Variants in KIAA1217 observed in about 807,000 individuals in gnomAD.
KIAA1217 encodes sickle tail protein homolog.
Under a neutral mutation model 163.9 loss-of-function variants are expected in KIAA1217, and 88 were observed. That is an observed-to-expected ratio of 0.54 (90% CI 0.45 to 0.64). The LOEUF (loss-of-function observed/expected upper bound fraction) is 0.64. KIAA1217 is among the 30% of genes least tolerant of loss of function. The pLI, the probability that KIAA1217 is intolerant of heterozygous loss-of-function variation, is 0.00. For synonymous variants in KIAA1217, 903 were observed against 923.1 expected (o/e 0.98, Z 0.39); for missense variants, 2,372 against 2,475.0 (o/e 0.96, Z 0.88).
chr10:24,437,704 G>A (rs1317953773), intron 4 of KIAA1217, among the ~76,000 whole-genome samples: 1 of 152,012 alleles, frequency 6.6e-6, no homozygotes, highest in Admixed American at 6.6e-5. Flanking sequence ...CTAAGAGCCG[G>A]GTTCAGAGAA....
intron 2 of KIAA1217, among the ~76,000 whole-genome samples, chr10:24,150,532 C>T (rs1015229315): frequency 1.3e-5 from 2 of 152,326 alleles, no homozygotes; most frequent in African/African-American, 4.8e-5. Flanking sequence ...ATTTCCAAGC[C>T]TACCATTCCC....
At chr10:24,081,815 G>T (rs959588653) in intron 2 of KIAA1217, among the ~76,000 whole-genome samples, 2 of 152,198 alleles carry the variant, frequency 1.3e-5, no homozygotes, top group African/African-American at 4.8e-5. Flanking sequence ...GGGACTGAGG[G>T]TTAGACAAGC....
intron 2 of KIAA1217, among the ~76,000 whole-genome samples, chr10:24,165,092 G>C (rs2065283633): frequency 6.6e-6 from 1 of 152,206 alleles, no homozygotes; most frequent in Non-Finnish European, 1.5e-5. Flanking sequence ...AGAGAAAAAT[G>C]GCAGAGTAAA....
chr10:23,937,999 G>A (rs1843604807), intron 1 of KIAA1217, among the ~76,000 whole-genome samples: 3 of 152,272 alleles, frequency 2.0e-5, no homozygotes, highest in Middle Eastern at 3.4e-3. Context: ...GCCAAGTGTC[G>A]AGAGTTCACA....
intron 1 of KIAA1217, among the ~76,000 whole-genome samples, chr10:24,004,274 G>A (rs1412136416): frequency 6.6e-6 from 1 of 152,058 alleles, no homozygotes; most frequent in Admixed American, 6.6e-5. Flanking sequence ...ACAGCACCCG[G>A]CCGAGGGCTT....
At chr10:23,847,404 G>T (rs189635249) in intron 1 of KIAA1217, among the ~76,000 whole-genome samples, 2 of 152,092 alleles carry the variant, frequency 1.3e-5, no homozygotes, top group Non-Finnish European at 2.9e-5. Flanking sequence ...CAATTTCAGA[G>T]CCTGTTATTG....
intron 17 of KIAA1217, chr10:24,542,420 C>G: frequency 1.2e-6 from 1 of 848,212 alleles, no homozygotes; most frequent in Non-Finnish European, 1.7e-6. Flanking sequence ...ATGACTCTGT[C>G]CCTTTATTTT....
chr10:23,985,975 G>A (rs1845953734), intron 1 of KIAA1217, among the ~76,000 whole-genome samples: 1 of 152,192 alleles, frequency 6.6e-6, no homozygotes, highest in African/African-American at 2.4e-5. Flanking sequence ...ATGGCAGAAA[G>A]AGGGGAAGAA....
intron 2 of KIAA1217, among the ~76,000 whole-genome samples, chr10:24,360,494 T>C (rs548454137): frequency 5.9e-5 from 9 of 152,348 alleles, no homozygotes; most frequent in African/African-American, 2.2e-4. Flanking sequence ...TCGTGGGCTT[T>C]AACTATGCAA....
chr10:24,149,368 G>C (rs574354533), intron 2 of KIAA1217, among the ~76,000 whole-genome samples: 1 of 151,994 alleles, frequency 6.6e-6, no homozygotes, highest in South Asian at 2.1e-4. Context: ...ACTTTTAGTA[G>C]AGACGAGTTT....
intron 2 of KIAA1217, among the ~76,000 whole-genome samples, chr10:24,057,531 C>G (rs1342177507): frequency 6.6e-6 from 1 of 152,130 alleles, no homozygotes; most frequent in East Asian, 1.9e-4. Context: ...GGTATTCTTC[C>G]TTCTGTGACT....
intron 1 of KIAA1217, among the ~76,000 whole-genome samples, chr10:23,766,779 G>T (rs150572194): frequency 0.025 from 3,736 of 151,830 alleles, 158 homozygotes; most frequent in African/African-American, 0.085. Flanking sequence ...AGCGGAGACG[G>T]GGTTTCACCA....
intron 2 of KIAA1217, among the ~76,000 whole-genome samples, chr10:24,189,063 G>A (rs1420755617): frequency 4.1e-5 from 6 of 145,956 alleles, no homozygotes; most frequent in Non-Finnish European, 8.9e-5. Context: ...CCAAGATCAC[G>A]CCACTGCACT....
rs552113598 is a variant in KIAA1217 at position 23,707,123 on chromosome 10, G to A, written c.-321+11889G>A. ...CCTATGAGAACATATAGGTTAAAGGGGTAGGAAGACACAATAGAATAATTA... is the reference window on the plus strand; with the variant it reads ...CCTATGAGAACATATAGGTTAAAGGAGTAGGAAGACACAATAGAATAATTA... On this transcript the variant is annotated intron_variant, in intron 1 of 18. Coordinates refer to the KIAA1217 transcript ENST00000376462. Among the ~76,000 whole-genome samples the A allele has an allele frequency of 1.3e-4, 20 of 152,188 alleles. No homozygotes were observed. The South Asian group carries it at 4.2e-3, about 32-fold the overall frequency.
chr10:24,484,650 C>G lies in KIAA1217; in HGVS notation c.1680-9850C>G, dbSNP rs986107568. On this transcript the variant is annotated intron_variant, in intron 6 of 20. Coordinates refer to ENST00000376454, the MANE Select transcript of KIAA1217 (RefSeq NM_019590.5). The stretch of plus-strand genomic sequence containing the variant: ...TCATAGCTCACTGCAGCCTCGAACT[C>G]CTGGGCTTAAGCAAGCCTCCCCCAC... 7.9e-5 allele frequency among the ~76,000 whole-genome samples: 12 copies of G among 152,192 alleles called. No homozygotes were observed. In the South Asian group the frequency reaches 2.3e-3, roughly 29 times the overall value.
At position 23,824,657 on chromosome 10, in the gene KIAA1217, AAAT is replaced by A. The variant is rs1837804200; in HGVS notation, c.-321+129425_-321+129427del. Reference sequence around the variant, plus strand: ...AAAAAAAAAAAAAAAAAAATAAAAAAAATATATATATATATATATATATATGTA... The same window carrying A: ...AAAAAAAAAAAAAAAAAAATAAAAAAATATATATATATATATATATATGTA... On this transcript the variant is annotated intron_variant, in intron 1 of 18. Transcript: ENST00000376462. Among the ~76,000 whole-genome samples, 220 of 103,188 alleles carry A rather than the reference AAAT, an allele frequency of 2.1e-3. 3 individuals carry two copies. The highest frequency in any genetic ancestry group is 7.6e-3 in the African/African-American group (166 of 21,826). 67.7% of individuals were successfully genotyped at this position (103,188 alleles called of 152,430 possible).
At chr10:24,058,821 G>A (rs75744130) in intron 2 of KIAA1217, among the ~76,000 whole-genome samples, 95 of 152,090 alleles carry the variant, frequency 6.2e-4, no homozygotes, top group African/African-American at 2.1e-3. Flanking sequence ...GTTAGGTAAC[G>A]TCATCTGCAG....
chr10:23,839,657 T>G (rs1838675933), intron 1 of KIAA1217, among the ~76,000 whole-genome samples: 1 of 152,160 alleles, frequency 6.6e-6, no homozygotes, highest in Non-Finnish European at 1.5e-5. Context: ...GAGGAATTTA[T>G]TTTAGATTCT....
At chr10:24,259,976 T>C (rs961747356) in intron 2 of KIAA1217, among the ~76,000 whole-genome samples, 17 of 152,208 alleles carry the variant, frequency 1.1e-4, no homozygotes, top group South Asian at 6.2e-4. Context: ...CTCAGGTGTC[T>C]CCCTTTGCAA....
Sources: allele counts gnomAD v4.1 joint callset (sites outside exome capture counted in the v4.1 genomes callset), GRCh38; gene constraint gnomAD v4.1.1; transcripts MANE v1.5; gene names NCBI Gene and HGNC (gene_info 2026-07-23, HGNC 2026-07-21).